Variants in KCNG2 observed in about 807,000 individuals in gnomAD.
The protein encoded by KCNG2 is potassium voltage-gated channel modifier subfamily G member 2, also known as voltage-gated potassium channel regulatory subunit KCNG2.
KCNG2 carries 7 observed loss-of-function variants against 12.3 expected under a neutral mutation model. The observed-to-expected ratio is 0.57, with a 90% CI of 0.32 to 1.07. The LOEUF is 1.07. Among genes scored for constraint, KCNG2 ranks in the 50% least tolerant of loss-of-function variants. The pLI, the probability that KCNG2 is intolerant of heterozygous loss-of-function variation, is 0.04. For synonymous variants in KCNG2, 414 were observed against 351.4 expected (o/e 1.18, Z -1.99); for missense variants, 703 against 726.0 (o/e 0.97, Z 0.36).
Position 79,863,757 on chromosome 18 carries a change from G to T in KCNG2, c.90G>T (p.Leu30=). ...IINVGGCRVR[L]AWAALARCPL... ...ACGTGGGCGGCTGCCGCGTGCGCCT[G>T]GCATGGGCCGCGCTGGCGCGATGCC... The change falls in exon 3 of 4, where the codon CTG becomes CTT. Residue 30 remains leucine (L), a synonymous_variant. Coordinates refer to ENST00000316249, the MANE Select transcript of KCNG2 (RefSeq NM_012283.2). The T allele has an allele frequency of 8.2e-7, 1 of 1,219,536 alleles. No individual in the cohort carries two copies. 75.5% of individuals were successfully genotyped at this position (1,219,536 alleles called of 1,614,324 possible).
At chr18:79,805,895 G>A (rs575639784) in intron 1 of KCNG2, among the ~76,000 whole-genome samples, 8 of 152,222 alleles carry the variant, frequency 5.3e-5, no homozygotes, top group East Asian at 1.9e-4. Context: ...ACACACACGC[G>A]CCTAGGGGAC....
intron 2 of KCNG2, among the ~76,000 whole-genome samples, chr18:79,861,273 C>CTTTT (rs56348625): frequency 1.3e-4 from 10 of 76,984 alleles, no homozygotes; most frequent in African/African-American, 4.1e-4. Flanking sequence ...CTCTCTCTCT[C>CTTTT]TTTTTTTTTT....
At chr18:79,880,001 C>T (rs1312895422) in intron 3 of KCNG2, among the ~76,000 whole-genome samples, 1 of 152,110 alleles carries the variant, frequency 6.6e-6, no homozygotes, top group African/African-American at 2.4e-5. Context: ...TTGTAGAGCA[C>T]GACTTGGCTC....
At chr18:79,820,572 A>G (rs1158861493) in intron 1 of KCNG2, among the ~76,000 whole-genome samples, 2 of 152,168 alleles carry the variant, frequency 1.3e-5, no homozygotes, top group African/African-American at 2.4e-5. Flanking sequence ...CTTGCCGGGC[A>G]TGTGTGCATC....
At chr18:79,855,548 C>T (rs1978979906) in intron 1 of KCNG2, among the ~76,000 whole-genome samples, 1 of 152,014 alleles carries the variant, frequency 6.6e-6, no homozygotes, top group African/African-American at 2.4e-5. Context: ...CTGTATCACC[C>T]ACCAAAATTC....
rs368413119 is a variant in KCNG2 at position 79,846,767 on chromosome 18, G to T, written c.-114-9612G>T. Among the ~76,000 whole-genome samples the T allele has an allele frequency of 2.0e-5, 3 of 152,342 alleles. No individual in the cohort carries two copies. In the East Asian group the frequency reaches 5.8e-4, roughly 29 times the overall value. ...GTCGTATGCTCACTGATTGGTTGAA[G>T]AAGTCATCTTGTTTAGATGGTTTTT... On this transcript the variant is annotated intron_variant, in intron 1 of 3. Transcript: ENST00000316249.
In KCNG2 at chr18:79,882,769, C is replaced by T. The variant is rs575520982; in HGVS notation, c.625-16271C>T. Among the ~76,000 whole-genome samples, 17 of 146,344 alleles carry T rather than the reference C, an allele frequency of 1.2e-4. No individual in the cohort carries two copies. In the East Asian group the frequency reaches 3.2e-3, roughly 27 times the overall value. On this transcript the variant is annotated intron_variant, in intron 3 of 3. Coordinates refer to ENST00000316249, the MANE Select transcript of KCNG2 (RefSeq NM_012283.2). Reference sequence around the variant, plus strand: ...GCGAGGCTGCCGTGGAGCGCGGAGGCCGGGTACACCTGCGCGTGGAGCGCG... The same window carrying T: ...GCGAGGCTGCCGTGGAGCGCGGAGGTCGGGTACACCTGCGCGTGGAGCGCG...
intron 3 of KCNG2, among the ~76,000 whole-genome samples, chr18:79,877,489 C>CT (rs1980120835): frequency 1.3e-5 from 2 of 152,294 alleles, no homozygotes; most frequent in South Asian, 4.2e-4. Flanking sequence ...AAATCGCGAG[C>CT]TGCGGGGTCC....
intron 1 of KCNG2, among the ~76,000 whole-genome samples, chr18:79,799,177 T>G (rs1252593567): frequency 6.6e-6 from 1 of 151,132 alleles, no homozygotes; most frequent in African/African-American, 2.4e-5. Flanking sequence ...GATCTCAGAG[T>G]GATTAAGTGG....
intron 3 of KCNG2, among the ~76,000 whole-genome samples, chr18:79,868,535 G>A (rs1353635198): frequency 6.6e-6 from 1 of 152,220 alleles, no homozygotes; most frequent in Non-Finnish European, 1.5e-5. Context: ...AGAAAAGGTG[G>A]TTCTCACTCC....
chr18:79,845,350 C>G (rs927080270), intron 1 of KCNG2, among the ~76,000 whole-genome samples: 4 of 152,126 alleles, frequency 2.6e-5, no homozygotes, highest in African/African-American at 9.7e-5. Context: ...TGGATGTGTC[C>G]ATGTCGGCGT....
intron 1 of KCNG2, among the ~76,000 whole-genome samples, chr18:79,804,823 G>T (rs535601826): frequency 6.6e-6 from 1 of 152,114 alleles, no homozygotes; most frequent in Non-Finnish European, 1.5e-5. Context: ...CAGAAGACTT[G>T]GAAATGAAAA....
At chr18:79,799,399 G>T (rs766640612) in intron 1 of KCNG2, among the ~76,000 whole-genome samples, 3 of 152,144 alleles carry the variant, frequency 2.0e-5, no homozygotes, top group Non-Finnish European at 2.9e-5. Flanking sequence ...GCCTCTGAAG[G>T]TTCTTCCTTA....
intron 1 of KCNG2, among the ~76,000 whole-genome samples, chr18:79,844,628 A>T (rs985409031): frequency 6.6e-6 from 1 of 152,278 alleles, no homozygotes; most frequent in African/African-American, 2.4e-5. Flanking sequence ...TGCACAATGC[A>T]TTCATATATC....
chr18:79,812,358 T>C (rs897531958), intron 1 of KCNG2, among the ~76,000 whole-genome samples: 13 of 152,150 alleles, frequency 8.5e-5, no homozygotes, highest in African/African-American at 2.9e-4. Flanking sequence ...AATAATATGT[T>C]ACAAAATTGA....
Position 79,889,381 on chromosome 18 carries a change from G to A in KCNG2, c.625-9659G>A, listed in dbSNP as rs150283311. 1.7e-3 allele frequency among the ~76,000 whole-genome samples: 254 copies of A among 152,298 alleles called. 7 individuals carry two copies. The highest frequency in any genetic ancestry group is 0.014 in the Admixed American group (216 of 15,296). ...GTGGACATCCAGGCACCCCAGTACC[G>A]CTTGATAACAAATTGTTCTTTCTCT... On this transcript the variant is annotated intron_variant, in intron 3 of 3. Coordinates refer to ENST00000316249, the MANE Select transcript of KCNG2 (RefSeq NM_012283.2).
chr18:79,895,957 A>C (rs1568275142), intron 3 of KCNG2, among the ~76,000 whole-genome samples: 1 of 152,148 alleles, frequency 6.6e-6, no homozygotes, highest in African/African-American at 2.4e-5. Context: ...AATTCCACTA[A>C]TTAGATATAT....
intron 1 of KCNG2, chr18:79,816,577 T>G (rs1369297486): frequency 2.6e-5 from 4 of 152,282 alleles, no homozygotes; most frequent in African/African-American, 9.6e-5. Flanking sequence ...TCCAGCTCCC[T>G]GTTTTTCTTC....
intron 1 of KCNG2, among the ~76,000 whole-genome samples, chr18:79,810,626 T>G: frequency 6.6e-6 from 1 of 151,992 alleles, no homozygotes. Context: ...TAACCAGGTG[T>G]GCTGGCACAG....
Sources: gnomAD v4.1 joint callset for allele counts (sites outside exome capture counted in the v4.1 genomes callset) on GRCh38, gnomAD v4.1.1 for gene constraint, MANE v1.5 for transcripts, NCBI Gene and HGNC (gene_info 2026-07-23, HGNC 2026-07-21) for gene names.